Variants in ABCC1 observed in about 807,000 individuals in gnomAD.
ABCC1 encodes the protein ATP binding cassette subfamily C member 1 (ABCC1 blood group).
Under a neutral mutation model 172.9 loss-of-function variants are expected in ABCC1, and 83 were observed. The ratio of observed to expected loss-of-function variants is 0.48; its 90% CI spans 0.40 to 0.58. The LOEUF (loss-of-function observed/expected upper bound fraction) is 0.58, where lower values mean the gene tolerates loss of function less well. Among genes scored for constraint, ABCC1 ranks in the 20% least tolerant of loss-of-function variants. ABCC1 has a pLI of 0.00. For synonymous variants in ABCC1, 937 were observed against 825.2 expected, an observed-to-expected ratio of 1.14 and a Z score of -2.32; for missense variants, 1,817 against 2,002.7, an observed-to-expected ratio of 0.91 and a Z score of 1.77.
Position 15,949,717 on chromosome 16 carries a change from G to C in ABCC1, c.-35G>C, listed in dbSNP as rs1367441563. On this transcript the variant is annotated 5_prime_UTR_variant, in exon 1 of 31. Transcript: ENST00000399410. ...CGCCAGCAACCGGGCCCGATCACCCGCCGCCCGGTGCCCGCCGCCGCCCGC... is the reference window on the plus strand; with the variant it reads ...CGCCAGCAACCGGGCCCGATCACCCCCCGCCCGGTGCCCGCCGCCGCCCGC... 5 of 1,118,892 alleles carry C rather than the reference G, an allele frequency of 4.5e-6. No individual in the cohort carries two copies. In the East Asian group the frequency reaches 1.6e-4, roughly 36 times the overall value. The allele number at this position is 1,118,892 out of a possible 1,614,324, so 69.3% of individuals were successfully genotyped here. A position where few individuals can be genotyped will look rare whatever the true frequency, so the allele number is the denominator to read the frequency against.
chr16:15,956,073 G>A (rs1318713379), intron 1 of ABCC1, among the ~76,000 whole-genome samples: 1 of 151,910 alleles, frequency 6.6e-6, no homozygotes, highest in Non-Finnish European at 1.5e-5. Flanking sequence ...CATGGTGAAA[G>A]CCCATCTCTA....
chr16:16,014,982 C>T (rs930350181), intron 4 of ABCC1, among the ~76,000 whole-genome samples: 2 of 152,152 alleles, frequency 1.3e-5, no homozygotes, highest in South Asian at 2.1e-4. Flanking sequence ...GGAGCCGAGC[C>T]GGGAACGGTG....
chr16:16,124,442 A>G (rs988996707), intron 24 of ABCC1, among the ~76,000 whole-genome samples: 1 of 150,430 alleles, frequency 6.6e-6, no homozygotes, highest in African/African-American at 2.5e-5. Flanking sequence ...GGAGTGACCC[A>G]CTACGCCCGG....
chr16:15,968,898 C>T (rs1380434679), intron 1 of ABCC1, among the ~76,000 whole-genome samples: 3 of 144,544 alleles, frequency 2.1e-5, no homozygotes, highest in African/African-American at 7.7e-5. Flanking sequence ...AATATTTTTT[C>T]TTTTTTTTTT....
intron 12 of ABCC1, 128 bp downstream of exon 12, chr16:16,056,423 C>T (rs2049658173): frequency 1.8e-6 from 2 of 1,090,874 alleles, no homozygotes; most frequent in Non-Finnish European, 2.6e-6. Context: ...TCCCAGCACT[C>T]TGGGAGGCCA....
At chr16:16,102,984 G>C (rs1339946012) in intron 20 of ABCC1, among the ~76,000 whole-genome samples, 2 of 152,194 alleles carry the variant, frequency 1.3e-5, no homozygotes. Flanking sequence ...CTCCCTACAT[G>C]GTGTGGGTCT....
rs2046151007 is a variant in ABCC1, at chr16:16,142,271, A to G, written c.*990A>G. 6.6e-6 allele frequency: 1 copy of G among 152,208 alleles called. No individual in the cohort carries two copies. The highest frequency in any genetic ancestry group is 2.4e-5 in the African/African-American group (1 of 41,454). The allele number at this position is 152,208 out of a possible 1,614,324, so 9.4% of individuals were successfully genotyped here. On this transcript the variant is annotated 3_prime_UTR_variant, in exon 31 of 31. Transcript: ENST00000399410. ...AGGTACTATGCCAGTCCTAGCAGAA[A>G]AATGTGTTAGGGGCCTGGCCCAAAG...
chr16:16,020,213 T>G (rs751538513), intron 5 of ABCC1, among the ~76,000 whole-genome samples: 20 of 152,192 alleles, frequency 1.3e-4, no homozygotes, highest in Non-Finnish European at 2.2e-4. Context: ...TGAGCCACCG[T>G]GCCCGGCTGT....
Position 16,003,883 on chromosome 16 carries a change from T to C in ABCC1, c.49-3933T>C, listed in dbSNP as rs569806907. 3.2e-4 allele frequency among the ~76,000 whole-genome samples: 46 copies of C among 144,748 alleles called. 1 individual carries two copies. Among genetic ancestry groups the C allele is most frequent in the African/African-American group, 1.1e-3 (42 of 38,328 alleles). 95.0% of individuals were successfully genotyped at this position (144,748 alleles called of 152,430 possible). On this transcript the variant is annotated intron_variant, in intron 1 of 30. Transcript: ENST00000399410. ...ATGGGTAGGTGGATGGATGAATGAA[T>C]TGGTGGGTGGGTGGATGGGTGGATG...
chr16:16,005,678 C>G (rs995724868), intron 1 of ABCC1, among the ~76,000 whole-genome samples: 1 of 152,116 alleles, frequency 6.6e-6, no homozygotes, highest in African/African-American at 2.4e-5. Flanking sequence ...TGCCAGAGAC[C>G]GGGCGTGGTG....
At chr16:16,021,718 G>A (rs1295853448) in intron 5 of ABCC1, among the ~76,000 whole-genome samples, 1 of 151,980 alleles carries the variant, frequency 6.6e-6, no homozygotes, top group Non-Finnish European at 1.5e-5. Context: ...AACAAACAAC[G>A]AACAAATGAA....
chr16:16,139,314 T>TA (rs1286892946), intron 30 of ABCC1, among the ~76,000 whole-genome samples: 402 of 151,760 alleles, frequency 2.6e-3, no homozygotes, highest in Middle Eastern at 0.017. Context: ...TTATTTTTTT[T>TA]AAAAAATCAG....
chr16:16,131,803 C>T lies in ABCC1; in HGVS notation c.3834C>T (p.Ile1278=), dbSNP rs745482174. 5 of 1,613,732 alleles carry T rather than the reference C, an allele frequency of 3.1e-6. No individual in the cohort carries two copies. The South Asian group carries it at 4.4e-5, about 14-fold the overall frequency. Residue 1278 remains isoleucine, a synonymous_variant, in exon 27 of 31, where the codon ATC becomes ATT. Transcript: ENST00000399410. The part of the protein sequence containing the change: ...SETEKEAPWQ[I]QETAPPSSWP... ...TGCGATCGAAGGCGCCCTGGCAAAT[C>T]CAGGAGACAGCTCCGCCCAGCAGCT... is the stretch of plus-strand genomic sequence containing the variant.
intron 11 of ABCC1, among the ~76,000 whole-genome samples, chr16:16,053,237 A>G (rs1309998838): frequency 6.6e-6 from 1 of 151,644 alleles, no homozygotes; most frequent in East Asian, 1.9e-4. Flanking sequence ...TTTCCCCCTT[A>G]TTAGCTCTTA....
At chr16:16,053,495 T>G (rs544588044) in intron 11 of ABCC1, among the ~76,000 whole-genome samples, 10 of 152,002 alleles carry the variant, frequency 6.6e-5, no homozygotes, top group African/African-American at 2.4e-4. Context: ...TGTTTCTTAT[T>G]ATAAAAAAGT....
At chr16:16,007,211 C>T (rs747593620) in intron 1 of ABCC1, among the ~76,000 whole-genome samples, 2 of 118,158 alleles carry the variant, frequency 1.7e-5, no homozygotes, top group Non-Finnish European at 3.6e-5. Context: ...TGTGTATGCA[C>T]TGTTGTGTGT....
intron 12 of ABCC1, among the ~76,000 whole-genome samples, chr16:16,057,180 T>TAAA (rs34088403): frequency 1.0e-5 from 1 of 96,902 alleles, no homozygotes; most frequent in Non-Finnish European, 2.1e-5. Flanking sequence ...TGTTACTGCT[T>TAAA]AAAAAAAAAA....
chr16:16,024,636 G>A lies in ABCC1; in HGVS notation c.615+8015G>A, dbSNP rs545763185. The stretch of plus-strand genomic sequence containing the variant: ...CAAAATGCTAGGATTACAGGGATGG[G>A]TGAACCACCACATCCAGCCAGGACT... On this transcript the variant is annotated intron_variant, in intron 5 of 30. Coordinates refer to ENST00000399410, the MANE Select transcript of ABCC1 (RefSeq NM_004996.4). 1.3e-4 allele frequency among the ~76,000 whole-genome samples: 20 copies of A among 152,276 alleles called. No homozygotes were observed. In the South Asian group the frequency reaches 4.2e-3, roughly 32 times the overall value.
At chr16:15,987,767 C>T (rs893970396) in intron 1 of ABCC1, among the ~76,000 whole-genome samples, 1 of 152,226 alleles carries the variant, frequency 6.6e-6, no homozygotes, top group Non-Finnish European at 1.5e-5. Context: ...TGTCTCCTCC[C>T]TGCCTTCTTC....
Sources: allele counts gnomAD v4.1 joint callset (sites outside exome capture counted in the v4.1 genomes callset), GRCh38; gene constraint gnomAD v4.1.1; transcripts MANE v1.5; gene names NCBI Gene and HGNC (gene_info 2026-07-23, HGNC 2026-07-21).